Variants in GRIK2 observed in about 807,000 individuals in gnomAD.
The protein encoded by GRIK2 is glutamate receptor ionotropic, kainate 2.
GRIK2 carries 32 observed loss-of-function variants against 100.3 expected under a neutral mutation model. That is an observed-to-expected ratio of 0.32 (90% CI 0.24 to 0.43). The LOEUF is 0.43. Ranked by LOEUF, GRIK2 falls within the 20% of genes least tolerant of loss-of-function variation. The pLI, the probability that GRIK2 is intolerant of heterozygous loss-of-function variation, is 1.00. For synonymous variants in GRIK2, 417 were observed against 389.4 expected, an observed-to-expected ratio of 1.07 and a Z score of -0.83; for missense variants, 843 against 1,114.9, an observed-to-expected ratio of 0.76 and a Z score of 3.47.
Position 101,889,744 on chromosome 6 carries a change from C to G in GRIK2, c.1629C>G (p.Arg543=). 6.2e-7 allele frequency: 1 copy of G among 1,611,184 alleles called. No individual in the cohort carries two copies. Among genetic ancestry groups the G allele is most frequent in the South Asian group, 1.1e-5 (1 of 91,026 alleles). ...FMTLGISILY[R]KPNGTNPGVF... is the part of the protein sequence containing the mutation. ...CACTTGGAATAAGTATTTTGTACCG[C>G]AAGCCCAATGGTACAAACCCAGGCG... is the stretch of plus-strand genomic sequence containing the variant. The change falls in exon 12 of 17, where the codon CGC becomes CGG. Residue 543 remains arginine (R), a synonymous_variant. Transcript: ENST00000369134.
rs867316893 is a variant in GRIK2 at position 101,771,156 on chromosome 6, C to G, written c.952-28492C>G. ...ACTCTAAGACTGTTATCATTTGATT[C>G]TTTCATTTTGAGCTGTCTAAAATTT... On this transcript the variant is annotated intron_variant, in intron 7 of 16. Transcript: ENST00000369134. 2.0e-5 allele frequency among the ~76,000 whole-genome samples: 3 copies of G among 152,074 alleles called. No individual in the cohort carries two copies. In the East Asian group the frequency reaches 5.8e-4, roughly 29 times the overall value.
rs542824747 is a variant in GRIK2, at chr6:101,791,624, C to T, written c.952-8024C>T. 3.9e-5 allele frequency among the ~76,000 whole-genome samples: 6 copies of T among 152,062 alleles called. No homozygotes were observed. The South Asian group carries it at 1.0e-3, about 26-fold the overall frequency. On this transcript the variant is annotated intron_variant, in intron 7 of 16. Coordinates refer to ENST00000369134, the MANE Select transcript of GRIK2 (RefSeq NM_021956.5). Reference sequence around the variant, plus strand: ...ACATTTGCTGAGGAGAGCTTTACTTCCCAGTATGTGGTCAATTTTGGAATA... The same window carrying T: ...ACATTTGCTGAGGAGAGCTTTACTTTCCAGTATGTGGTCAATTTTGGAATA...
In GRIK2 at chr6:101,799,693, G is replaced by A. The variant is rs1228212583; in HGVS notation, c.997G>A (p.Ala333Thr). ...MYDAVHVVSV[A>T]VQQFPQMTVS... ...TGATGCTGTGCATGTGGTGTCTGTGGCCGTTCAACAGTTTCCCCAGATGAC... is the reference window on the plus strand; with the variant it reads ...TGATGCTGTGCATGTGGTGTCTGTGACCGTTCAACAGTTTCCCCAGATGAC... Residue 333 changes from alanine (A) to threonine (T), a missense_variant, in exon 8 of 17, where the codon GCC becomes ACC. Coordinates refer to ENST00000369134, the MANE Select transcript of GRIK2 (RefSeq NM_021956.5). 2 of 1,613,104 alleles carry A rather than the reference G, an allele frequency of 1.2e-6. No individual in the cohort carries two copies. Among genetic ancestry groups the A allele is most frequent in the Non-Finnish European group, 1.7e-6 (2 of 1,179,302 alleles).
intron 2 of GRIK2, among the ~76,000 whole-genome samples, chr6:101,607,995 G>A (rs936002148): frequency 6.6e-6 from 1 of 151,028 alleles, no homozygotes; most frequent in African/African-American, 2.4e-5. Context: ...GTACCAGCTT[G>A]GCTGCAAGCA....
chr6:101,670,315 C>T (rs1036636760), intron 4 of GRIK2, among the ~76,000 whole-genome samples: 4 of 151,956 alleles, frequency 2.6e-5, no homozygotes, highest in Admixed American at 6.6e-5. Context: ...AAGTAGGAGA[C>T]GGCAGGTCCT....
At chr6:101,596,946 T>G (rs1246757014) in intron 2 of GRIK2, among the ~76,000 whole-genome samples, 1 of 151,940 alleles carries the variant, frequency 6.6e-6, no homozygotes, top group Non-Finnish European at 1.5e-5. Flanking sequence ...ACTTATATGT[T>G]AATCACAGCA....
chr6:101,697,173 C>G (rs1772548003), intron 7 of GRIK2, among the ~76,000 whole-genome samples: 1 of 151,894 alleles, frequency 6.6e-6, no homozygotes, highest in African/African-American at 2.4e-5. Context: ...GAAAACCTAC[C>G]TGGCTTTTTA....
At chr6:101,997,138 G>A (rs769439805) in intron 14 of GRIK2, among the ~76,000 whole-genome samples, 5 of 151,962 alleles carry the variant, frequency 3.3e-5, no homozygotes, top group Non-Finnish European at 5.9e-5. Flanking sequence ...AACCAACTAA[G>A]GTAAAGAATA....
At chr6:101,889,585 T>C (rs1562466522) in intron 11 of GRIK2, 55 bp from the exon 12 acceptor site, 2 of 1,024,210 alleles carry the variant, frequency 2.0e-6, no homozygotes, top group Non-Finnish European at 2.9e-6. Flanking sequence ...AAAATCAATT[T>C]TTTCTCTCTT....
chr6:101,794,434 A>T (rs1467573817), intron 7 of GRIK2, among the ~76,000 whole-genome samples: 1 of 152,000 alleles, frequency 6.6e-6, no homozygotes, highest in Non-Finnish European at 1.5e-5. Flanking sequence ...TATCTTTCAA[A>T]TGAACACCTT....
chr6:101,837,460 T>C (rs1783203105), intron 10 of GRIK2, among the ~76,000 whole-genome samples: 1 of 152,210 alleles, frequency 6.6e-6, no homozygotes, highest in Non-Finnish European at 1.5e-5. Flanking sequence ...TTGATTGTGT[T>C]AATCATTTCA....
At chr6:101,643,922 C>CT (rs1488768255) in intron 4 of GRIK2, among the ~76,000 whole-genome samples, 5 of 151,728 alleles carry the variant, frequency 3.3e-5, no homozygotes, top group Admixed American at 3.3e-4. Flanking sequence ...AGTAGCCAAT[C>CT]AACTAACATA....
At chr6:101,591,194 A>T (rs1325105417) in intron 2 of GRIK2, among the ~76,000 whole-genome samples, 4 of 144,276 alleles carry the variant, frequency 2.8e-5, no homozygotes, top group Non-Finnish European at 4.6e-5. Context: ...TTTTTGTTCC[A>T]TTTTTTTTTT....
intron 7 of GRIK2, among the ~76,000 whole-genome samples, chr6:101,738,877 A>G (rs1704495381): frequency 6.6e-6 from 1 of 152,214 alleles, no homozygotes; most frequent in Non-Finnish European, 1.5e-5. Context: ...ACATAACACA[A>G]TATTAGTGAT....
At chr6:101,864,099 T>TGCAGTCC (rs1214971921) in intron 11 of GRIK2, among the ~76,000 whole-genome samples, 1 of 144,014 alleles carries the variant, frequency 6.9e-6, no homozygotes, top group Non-Finnish European at 1.5e-5. Flanking sequence ...ATTGCGCCAC[T>TGCAGTCC]GCAGTCCGCA....
At chr6:101,726,728 A>G (rs192135163) in intron 7 of GRIK2, among the ~76,000 whole-genome samples, 6 of 152,156 alleles carry the variant, frequency 3.9e-5, no homozygotes, top group African/African-American at 1.2e-4. Context: ...ATGCACAACT[A>G]TCTTCTGTTT....
intron 10 of GRIK2, among the ~76,000 whole-genome samples, chr6:101,850,010 CCTGT>C (rs1253008747): frequency 6.6e-6 from 1 of 151,664 alleles, no homozygotes; most frequent in African/African-American, 2.4e-5. Flanking sequence ...CCTGAATATA[CCTGT>C]CTATTTTTCA....
At chr6:101,772,144 A>T (rs1009176255) in intron 7 of GRIK2, among the ~76,000 whole-genome samples, 5 of 152,092 alleles carry the variant, frequency 3.3e-5, no homozygotes, top group African/African-American at 4.8e-5. Flanking sequence ...CTTCATTCTC[A>T]GAGGGAGATA....
At chr6:101,914,543 C>T (rs1448846406) in intron 12 of GRIK2, among the ~76,000 whole-genome samples, 1 of 151,322 alleles carries the variant, frequency 6.6e-6, no homozygotes, top group East Asian at 1.9e-4. Flanking sequence ...AAGAATCTGT[C>T]GACATTATAG....
Sources: allele counts gnomAD v4.1 joint callset (sites outside exome capture counted in the v4.1 genomes callset), GRCh38; gene constraint gnomAD v4.1.1; transcripts MANE v1.5; gene names NCBI Gene and HGNC (gene_info 2026-07-23, HGNC 2026-07-21).